Variants in TMEM175 observed in about 807,000 individuals in gnomAD.
TMEM175 encodes the protein endosomal/lysosomal proton channel TMEM175.
A neutral mutation model predicts 36.5 loss-of-function variants in TMEM175; 36 were observed. That is an observed-to-expected ratio of 0.99 (90% confidence interval 0.76 to 1.30). The LOEUF is 1.30. TMEM175 is among the 50% of genes most tolerant of loss of function. TMEM175 has a pLI of 0.00. For missense variants in TMEM175, 705 were observed against 692.8 expected (o/e 1.02, Z -0.20); for synonymous variants, 339 against 313.4 (o/e 1.08, Z -0.86).
chr4:938,241 C>G lies in TMEM175; in HGVS notation c.-32+5701C>G, dbSNP rs190736398. ...GGCTGGGGCCAGGCACAGTGGCTCA[C>G]ACTTGTAATCCCAGCACTTTAGGAG... On this transcript the variant is annotated intron_variant, in intron 1 of 10. Transcript: ENST00000264771. Among the ~76,000 whole-genome samples the G allele has an allele frequency of 4.5e-4, 69 of 152,308 alleles. No homozygotes were observed. The East Asian group carries it at 0.013, about 28-fold the overall frequency.
At chr4:940,228 C>T (rs918620016) in intron 1 of TMEM175, among the ~76,000 whole-genome samples, 1 of 152,150 alleles carries the variant, frequency 6.6e-6, no homozygotes, top group Non-Finnish European at 1.5e-5. Context: ...GCAGTCAGAT[C>T]AACTGAGGTC....
At chr4:943,894 C>A (rs1395683618) in intron 1 of TMEM175, among the ~76,000 whole-genome samples, 1 of 152,172 alleles carries the variant, frequency 6.6e-6, no homozygotes, top group Admixed American at 6.5e-5. Flanking sequence ...CACACAGCAA[C>A]CAAAGAAGTG....
intron 1 of TMEM175, among the ~76,000 whole-genome samples, chr4:938,887 C>G (rs953294596): frequency 1.3e-5 from 2 of 152,174 alleles, no homozygotes; most frequent in African/African-American, 4.8e-5. Context: ...CACATAGATT[C>G]TAAAATTTAC....
chr4:936,001 T>G (rs1726734617), intron 1 of TMEM175, among the ~76,000 whole-genome samples: 1 of 152,286 alleles, frequency 6.6e-6, no homozygotes, highest in Non-Finnish European at 1.5e-5. Flanking sequence ...GGGATGCAGC[T>G]AAAACAGTAT....
rs761944678 is a variant in TMEM175 at position 955,438 on chromosome 4, C to T, written c.661C>T (p.Pro221Ser). 6.2e-7 allele frequency: 1 copy of T among 1,614,166 alleles called. No homozygotes were observed. Among genetic ancestry groups the T allele is most frequent in the Admixed American group, 1.7e-5 (1 of 60,030 alleles). Reference sequence around the variant, plus strand: ...GCTGATGGTGACTGTCATCCTCCTCCCCTATGTCAGCAAGGTCACCGGCTG... The same window carrying T: ...GCTGATGGTGACTGTCATCCTCCTCTCCTATGTCAGCAAGGTCACCGGCTG... ...YLLMVTVILLPYVSKVTGWCR... is the reference protein window; with the variant it reads ...YLLMVTVILLSYVSKVTGWCR... Residue 221 changes from proline to serine, a missense_variant, in exon 9 of 11, where the codon CCC (proline) becomes TCC (serine). Coordinates refer to ENST00000264771, the MANE Select transcript of TMEM175 (RefSeq NM_032326.4).
intron 1 of TMEM175, among the ~76,000 whole-genome samples, chr4:941,544 T>C (rs543664496): frequency 5.2e-4 from 79 of 151,156 alleles, no homozygotes; most frequent in African/African-American, 1.9e-3. Context: ...GTTCAAGAAA[T>C]ACTCCTGCGT....
rs762271123 is a variant in TMEM175, at chr4:932,909, T to G, written c.-32+369T>G. ...CCGAGGAGAGGGCCAGGGTCTGGCC[T>G]GGGGCAGTGACCAGTAGTGGGAGCC... On this transcript the variant is annotated intron_variant, in intron 1 of 10. Coordinates refer to ENST00000264771, the MANE Select transcript of TMEM175 (RefSeq NM_032326.4). The surrounding 1 kb of genome is among the most constrained non-coding windows in gnomAD (Gnocchi z 4.0). Among the ~76,000 whole-genome samples, 8 of 152,244 alleles carry G rather than the reference T, an allele frequency of 5.3e-5. No homozygotes were observed. The highest frequency in any genetic ancestry group is 1.0e-4 in the Non-Finnish European group (7 of 68,046).
chr4:946,394 T>C (rs1268683938), intron 1 of TMEM175, among the ~76,000 whole-genome samples: 1 of 151,898 alleles, frequency 6.6e-6, no homozygotes, highest in African/African-American at 2.4e-5. Context: ...AGCCTCCACC[T>C]CGGGTGCAGG....
chr4:955,725 G>A (rs758890830), intron 9 of TMEM175, 30 bp from the exon 10 acceptor site: 156 of 1,605,770 alleles, frequency 9.7e-5, no homozygotes, highest in Non-Finnish European at 1.3e-4. Context: ...GGGGGGTTTG[G>A]CCAGCTCCAC....
chr4:958,289 C>T lies in TMEM175; in HGVS notation c.1308C>T (p.Ser436=), dbSNP rs1389626044. Residue 436 remains serine (S), a synonymous_variant, in exon 11 of 11, where the codon TCC becomes TCT. Transcript: ENST00000264771. ...YPCASLLAFA[S]TCLLSRFSVG... ...GTGCCAGCCTGCTGGCCTTCGCCTCCACCTGCCTGCTGAGCAGGTTCAGTG... is the reference window on the plus strand; with the variant it reads ...GTGCCAGCCTGCTGGCCTTCGCCTCTACCTGCCTGCTGAGCAGGTTCAGTG... 4 of 1,606,210 alleles carry T rather than the reference C, an allele frequency of 2.5e-6. No homozygotes were observed. The highest frequency in any genetic ancestry group is 1.7e-6 in the Non-Finnish European group (2 of 1,179,736).
chr4:934,377 C>T (rs551302308), intron 1 of TMEM175, among the ~76,000 whole-genome samples: 3 of 152,208 alleles, frequency 2.0e-5, no homozygotes, highest in African/African-American at 4.8e-5. Context: ...CGAGGATGTT[C>T]GGGGCAGAGA....
At chr4:950,851 CGGA>C (rs1213298942) in intron 4 of TMEM175, among the ~76,000 whole-genome samples, 1 of 134,940 alleles carries the variant, frequency 7.4e-6, no homozygotes, top group Non-Finnish European at 1.6e-5. Flanking sequence ...GTGCAGTAGG[CGGA>C]GGTGTGGACG....
chr4:940,921 G>A (rs1211765434), intron 1 of TMEM175, among the ~76,000 whole-genome samples: 20 of 151,360 alleles, frequency 1.3e-4, no homozygotes, highest in Non-Finnish European at 2.8e-4. Context: ...CAGGAGAATC[G>A]CTTGAACCCA....
At chr4:948,268 G>GGAGGCA in intron 3 of TMEM175, 114 bp downstream of exon 3, 2 of 1,602,582 alleles carry the variant, frequency 1.2e-6, no homozygotes, top group Non-Finnish European at 1.7e-6. Context: ...CTGAGGCTTA[G>GGAGGCA]GAGGCAGAGG....
chr4:948,636 A>T, intron 3 of TMEM175: 2 of 1,255,886 alleles, frequency 1.6e-6, no homozygotes, highest in Non-Finnish European at 2.1e-6. Flanking sequence ...AAGGGTTTAC[A>T]AGCAGAGTTT....
chr4:958,136 G>T lies in TMEM175; in HGVS notation c.1155G>T (p.Leu385=), dbSNP rs767888769. The T allele has an allele frequency of 6.2e-7, 1 of 1,603,164 alleles. No homozygotes were observed. The highest frequency in any genetic ancestry group is 8.5e-7 in the Non-Finnish European group (1 of 1,179,644). Residue 385 remains leucine (L), a synonymous_variant, in exon 11 of 11, where the codon CTG becomes CTT. Coordinates refer to ENST00000264771, the MANE Select transcript of TMEM175 (RefSeq NM_032326.4). Reference sequence around the variant, plus strand: ...GTGTCAGCTGCACCATCATCTTCCTGGCCAGCATCTTCCAGCTGGCCATGT... The same window carrying T: ...GTGTCAGCTGCACCATCATCTTCCTTGCCAGCATCTTCCAGCTGGCCATGT... The part of the protein sequence containing the change: ...RVRVSCTIIF[L]ASIFQLAMWT...
chr4:952,113 CTG>C, intron 6 of TMEM175: 1 of 594,466 alleles, frequency 1.7e-6, no homozygotes, highest in East Asian at 2.8e-5. Context: ...CCACAAGGAA[CTG>C]GGGTCTGGGG....
intron 1 of TMEM175, among the ~76,000 whole-genome samples, chr4:945,298 G>A (rs1033938328): frequency 6.6e-6 from 1 of 151,178 alleles, no homozygotes; most frequent in Non-Finnish European, 1.5e-5. Flanking sequence ...CCAGGCCCCC[G>A]CCGTCTCTGT....
chr4:954,956 T>C (rs956704416), intron 8 of TMEM175, among the ~76,000 whole-genome samples: 3 of 152,184 alleles, frequency 2.0e-5, no homozygotes, highest in Non-Finnish European at 4.4e-5. Flanking sequence ...CTTTTATTTT[T>C]GAGTTGTAAG....
Sources: allele counts gnomAD v4.1 joint callset (sites outside exome capture counted in the v4.1 genomes callset), GRCh38; gene constraint gnomAD v4.1.1; non-coding constraint Gnocchi (gnomAD v3.1); transcripts MANE v1.5; gene names NCBI Gene and HGNC (gene_info 2026-07-23, HGNC 2026-07-21).